SIRPG: variants seen among roughly 807,000 people sequenced by gnomAD.
SIRPG encodes signal regulatory protein gamma, also known as signal-regulatory protein gamma.
In SIRPG, 38 loss-of-function variants were observed where a neutral mutation model predicts 35.7. That is an observed-to-expected ratio of 1.06 (90% CI 0.82 to 1.40). The LOEUF (loss-of-function observed/expected upper bound fraction) is 1.40. Among genes scored for constraint, SIRPG ranks in the 40% most tolerant of loss-of-function variants. The pLI, the probability that SIRPG is intolerant of heterozygous loss-of-function variation, is 0.00. For missense variants in SIRPG, 519 were observed against 483.0 expected (o/e 1.07, Z -0.70); for synonymous variants, 215 against 190.4 (o/e 1.13, Z -1.06).
At chr20:1,640,112 T>C (rs1333464211) in intron 2 of SIRPG, among the ~76,000 whole-genome samples, 1 of 152,182 alleles carries the variant, frequency 6.6e-6, no homozygotes, top group Non-Finnish European at 1.5e-5. Flanking sequence ...GGGCTTTTTT[T>C]TGGTTCAATA....
rs552630816 is a variant in SIRPG at position 1,649,131 on chromosome 20, G to A, written c.351C>T (p.Tyr117=). The change falls in exon 2 of 6, where the codon TAC becomes TAT. Residue 117 remains tyrosine, a synonymous_variant. Transcript: ENST00000303415. The stretch of plus-strand genomic sequence containing the variant: ...TCCCTTTTCGAAACTTCACACAGTA[G>A]TATGTGCCGACATCTGCTGGGGTGA... The part of the protein sequence containing the change: ...SSITPADVGT[Y]YCVKFRKGSP... 3.1e-6 allele frequency: 5 copies of A among 1,613,986 alleles called. No homozygotes were observed. The South Asian group carries it at 4.4e-5, about 14-fold the overall frequency.
chr20:1,655,519 G>C (rs762656702), intron 1 of SIRPG, among the ~76,000 whole-genome samples: 2 of 152,098 alleles, frequency 1.3e-5, no homozygotes, highest in Non-Finnish European at 2.9e-5. Flanking sequence ...TCGGGGGCTA[G>C]AGAGGGGGTG....
chr20:1,663,408 C>G, the SIRPG span, among the ~76,000 whole-genome samples: 4 of 152,266 alleles, frequency 2.6e-5, 1 homozygote, highest in South Asian at 8.3e-4. Context: ...TGATTGGGAC[C>G]AGGAAGGAGC....
upstream of SIRPG, among the ~76,000 whole-genome samples, chr20:1,659,058 G>A (rs951705293): frequency 7.9e-5 from 12 of 152,190 alleles, no homozygotes; most frequent in African/African-American, 2.7e-4. Context: ...TAGAGCTATG[G>A]TAGGAATAAT....
chr20:1,646,378 A>C (rs2091897637), intron 2 of SIRPG: 1 of 152,306 alleles, frequency 6.6e-6, no homozygotes, highest in African/African-American at 2.4e-5. Flanking sequence ...ACCCCGTAGG[A>C]AATACCTCAT....
rs970408736 is a variant in SIRPG, at chr20:1,636,388, A to G, written c.548T>C (p.Phe183Ser). 6.2e-7 allele frequency: 1 copy of G among 1,614,058 alleles called. No individual in the cohort carries two copies. Among genetic ancestry groups the G allele is most frequent in the African/African-American group, 1.3e-5 (1 of 74,912 alleles). Residue 183 changes from phenylalanine (F) to serine (S), a missense_variant, in exon 3 of 6, where the codon TTC (phenylalanine) becomes TCC (serine). Phe to Ser is a radical substitution (Grantham distance 155, BLOSUM62 -2). Coordinates refer to ENST00000303415, the MANE Select transcript of SIRPG (RefSeq NM_018556.4). ...GTCTGAGAGCTCATTCCCATTTTTG[A>G]ACCATTTCAGGGTGATGTCTCTGGG... is the stretch of plus-strand genomic sequence containing the variant. ...FSPRDITLKWFKNGNELSDFQ... is the reference protein window; with the variant it reads ...FSPRDITLKWSKNGNELSDFQ...
chr20:1,641,465 T>A (rs1264587861), intron 2 of SIRPG, among the ~76,000 whole-genome samples: 2 of 152,190 alleles, frequency 1.3e-5, no homozygotes, highest in African/African-American at 4.8e-5. Flanking sequence ...ATCCCCTTTA[T>A]CTTTTTTTTA....
Position 1,636,290 on chromosome 20 carries a change from C to T in SIRPG, c.646G>A (p.Asp216Asn). The T allele has an allele frequency of 6.2e-7, 1 of 1,614,234 alleles. No homozygotes were observed. The highest frequency in any genetic ancestry group is 8.5e-7 in the Non-Finnish European group (1 of 1,180,044). Reference sequence around the variant, plus strand: ...ACCTGAGAGCGAACGTCCCAGGGGTCCAGTACCACCCTGGCTGTGCTGCGG... The same window carrying T: ...ACCTGAGAGCGAACGTCCCAGGGGTTCAGTACCACCCTGGCTGTGCTGCGG... ...SIRSTARVVL[D>N]PWDVRSQVIC... Residue 216 changes from aspartate to asparagine, a missense_variant, in exon 3 of 6, where the codon GAC becomes AAC. By Grantham distance (23) the Asp-to-Asn change is conservative (BLOSUM62 1). Transcript: ENST00000303415.
At chr20:1,635,981 C>T (rs1443199296) in intron 3 of SIRPG, among the ~76,000 whole-genome samples, 1 of 152,192 alleles carries the variant, frequency 6.6e-6, no homozygotes, top group Non-Finnish European at 1.5e-5. Flanking sequence ...AACTCTCTAG[C>T]GCAGAGCTTG....
chr20:1,632,921 T>C (rs953040357), intron 4 of SIRPG, among the ~76,000 whole-genome samples: 4 of 151,560 alleles, frequency 2.6e-5, no homozygotes, highest in African/African-American at 9.7e-5. Flanking sequence ...ATGAATAAAC[T>C]GGAAACACAA....
the SIRPG span, among the ~76,000 whole-genome samples, chr20:1,668,204 TTTCTTTCTTTC>T: frequency 3.2e-3 from 129 of 40,914 alleles, no homozygotes; most frequent in South Asian, 5.6e-3. Context: ...TTTTCTTTTC[TTTCTTTCTTTC>T]TTTCTTTCTT....
chr20:1,656,694 T>C (rs1242065214), intron 1 of SIRPG, among the ~76,000 whole-genome samples: 1 of 152,100 alleles, frequency 6.6e-6, no homozygotes, highest in African/African-American at 2.4e-5. Flanking sequence ...CAATCCTGTC[T>C]GCCTGGGGGA....
intron 2 of SIRPG, among the ~76,000 whole-genome samples, chr20:1,641,034 CT>C (rs1402167478): frequency 6.6e-6 from 1 of 152,148 alleles, no homozygotes; most frequent in Admixed American, 6.5e-5. Flanking sequence ...AGGATTTTCA[CT>C]TTGATGTTTA....
At chr20:1,668,211 C>CTTTTTCT in the SIRPG span, among the ~76,000 whole-genome samples, 32 of 27,292 alleles carry the variant, frequency 1.2e-3, no homozygotes, top group African/African-American at 2.9e-3. Flanking sequence ...TTCTTTCTTT[C>CTTTTTCT]TTTCTTTCTT....
chr20:1,646,936 T>C (rs981476638), intron 2 of SIRPG: 2 of 152,594 alleles, frequency 1.3e-5, no homozygotes, highest in African/African-American at 4.8e-5. Context: ...CATGAGCCAC[T>C]GCACCCAGCC....
At chr20:1,638,657 G>A (rs1037285025) in intron 2 of SIRPG, among the ~76,000 whole-genome samples, 2 of 152,084 alleles carry the variant, frequency 1.3e-5, no homozygotes, top group African/African-American at 2.4e-5. Flanking sequence ...GAATATGCAG[G>A]TTTGTTTTAT....
chr20:1,646,282 C>A (rs1294096519), intron 2 of SIRPG: 1 of 152,210 alleles, frequency 6.6e-6, no homozygotes, highest in Non-Finnish European at 1.5e-5. Flanking sequence ...TGCCCAGGCC[C>A]AGATACACTG....
At chr20:1,681,876 T>TAG in the SIRPG span, among the ~76,000 whole-genome samples, 1 of 152,156 alleles carries the variant, frequency 6.6e-6, no homozygotes, top group Non-Finnish European at 1.5e-5. Flanking sequence ...TTTTACTCAG[T>TAG]AGATTTCCTG....
intron 2 of SIRPG, chr20:1,647,781 G>A (rs908220542): frequency 6.6e-6 from 1 of 152,236 alleles, no homozygotes; most frequent in Non-Finnish European, 1.5e-5. Flanking sequence ...ATGTTTGGAA[G>A]AAGTTTTCCA....
Sources: allele counts gnomAD v4.1 joint callset (sites outside exome capture counted in the v4.1 genomes callset), GRCh38; gene constraint gnomAD v4.1.1; transcripts MANE v1.5; gene names NCBI Gene and HGNC (gene_info 2026-07-23, HGNC 2026-07-21).